The following OSBPL9 variants were observed in gnomAD, a reference collection of about 807,000 sequenced individuals.
OSBPL9 encodes oxysterol-binding protein-related protein 9.
OSBPL9 carries 40 observed loss-of-function variants against 106.6 expected under a neutral mutation model. That is an observed-to-expected ratio of 0.38 (90% CI 0.29 to 0.49). The LOEUF (loss-of-function observed/expected upper bound fraction) is 0.49. Ranked by LOEUF, OSBPL9 falls within the 20% of genes least tolerant of loss-of-function variation. OSBPL9 has a pLI of 0.97. For missense variants in OSBPL9, 609 were observed against 887.2 expected (o/e 0.69, Z 3.98); for synonymous variants, 269 against 295.4 (o/e 0.91, Z 0.92).
chr1:51,618,299 G>C (rs186709519), intron 1 of OSBPL9, among the ~76,000 whole-genome samples: 1 of 152,238 alleles, frequency 6.6e-6, no homozygotes, highest in Non-Finnish European at 1.5e-5. Flanking sequence ...GATTACAGAC[G>C]TGAGCCACCG....
At chr1:51,733,784 CA>C (rs978996488) in intron 4 of OSBPL9, among the ~76,000 whole-genome samples, 25 of 144,762 alleles carry the variant, frequency 1.7e-4, no homozygotes, top group Non-Finnish European at 9.1e-5. Flanking sequence ...CAAAAACAAA[CA>C]AAAAAAAAAG....
At chr1:51,681,637 A>C (rs1652581715) in intron 3 of OSBPL9, among the ~76,000 whole-genome samples, 1 of 152,176 alleles carries the variant, frequency 6.6e-6, no homozygotes. Flanking sequence ...AAAACTAAAA[A>C]TTGAACTGCC....
At chr1:51,787,596 G>T in intron 23 of OSBPL9, 108 bp downstream of exon 23, 1 of 1,600,430 alleles carries the variant, frequency 6.2e-7, no homozygotes, top group East Asian at 2.2e-5. Flanking sequence ...ATGATCGCTG[G>T]TCCCTACTTG....
intron 4 of OSBPL9, among the ~76,000 whole-genome samples, chr1:51,733,668 G>C (rs953577742): frequency 6.6e-6 from 1 of 152,054 alleles, no homozygotes; most frequent in African/African-American, 2.4e-5. Context: ...CCAGCCACTT[G>C]GGGGGCTGAG....
rs151259590 is a variant in OSBPL9 at position 51,672,118 on chromosome 1, G to GT, written c.241+2610dup. Among the ~76,000 whole-genome samples the GT allele has an allele frequency of 6.6e-5, 10 of 152,244 alleles. No homozygotes were observed. In the East Asian group the frequency reaches 1.9e-3, roughly 29 times the overall value. ...GACTGAGATAAAAGGCCATTAGAAG[G>GT]TTTTGAGCAGAGGAGTGACATGGTG... On this transcript the variant is annotated intron_variant, in intron 3 of 23. Coordinates refer to ENST00000428468, the MANE Select transcript of OSBPL9 (RefSeq NM_024586.6).
At position 51,783,912 on chromosome 1, in the gene OSBPL9, C is replaced by G; in HGVS notation, c.1514-3C>G. 1.9e-6 allele frequency: 3 copies of G among 1,601,800 alleles called. No individual in the cohort carries two copies. The South Asian group carries it at 3.3e-5, about 18-fold the overall frequency. On this transcript the variant is annotated splice_polypyrimidine_tract_variant and splice_region_variant and intron_variant, in intron 17 of 23. Coordinates refer to ENST00000428468, the MANE Select transcript of OSBPL9 (RefSeq NM_024586.6). ...AATCTACTAATTGAAAATTTCTATT[C>G]AGTTTCAGCCTTTTATGCTGAGTGT...
intron 1 of OSBPL9, chr1:51,582,789 T>TA (rs1269763227): frequency 4.6e-5 from 7 of 151,782 alleles, no homozygotes; most frequent in African/African-American, 1.7e-4. Context: ...TTAAAGAAAA[T>TA]AACATATCAA....
At chr1:51,627,471 T>A (rs1421527966) in intron 1 of OSBPL9, among the ~76,000 whole-genome samples, 1 of 152,226 alleles carries the variant, frequency 6.6e-6, no homozygotes, top group East Asian at 1.9e-4. Context: ...GTATTTAGAC[T>A]GTCAGTTCTA....
chr1:51,724,076 A>G (rs1339170628), intron 4 of OSBPL9, among the ~76,000 whole-genome samples: 1 of 152,006 alleles, frequency 6.6e-6, no homozygotes, highest in Admixed American at 6.6e-5. Flanking sequence ...CCTCCCAAGT[A>G]GCTGGGATTA....
At chr1:51,754,234 CTG>C (rs1375659908) in intron 8 of OSBPL9, among the ~76,000 whole-genome samples, 1 of 152,236 alleles carries the variant, frequency 6.6e-6, no homozygotes, top group East Asian at 1.9e-4. Flanking sequence ...AGGGGGTTGA[CTG>C]TGATTTACTA....
intron 1 of OSBPL9, among the ~76,000 whole-genome samples, chr1:51,630,807 C>T (rs1027320627): frequency 6.6e-6 from 1 of 152,218 alleles, no homozygotes; most frequent in East Asian, 1.9e-4. Context: ...TTGACTCCTT[C>T]GTATTGACAC....
intron 11 of OSBPL9, among the ~76,000 whole-genome samples, chr1:51,764,571 T>G (rs1672177357): frequency 6.6e-6 from 1 of 151,516 alleles, no homozygotes; most frequent in Non-Finnish European, 1.5e-5. Context: ...AATCCGTAAG[T>G]GACTCTGGAT....
intron 3 of OSBPL9, among the ~76,000 whole-genome samples, chr1:51,713,390 T>A (rs1571267304): frequency 6.6e-6 from 1 of 152,060 alleles, no homozygotes; most frequent in East Asian, 1.9e-4. Context: ...CCTCAGGTGA[T>A]CCGCCCGCCT....
chr1:51,787,424 T>C lies in OSBPL9; in HGVS notation c.2072T>C (p.Leu691Pro). 6.2e-7 allele frequency: 1 copy of C among 1,614,026 alleles called. No individual in the cohort carries two copies. Among genetic ancestry groups the C allele is most frequent in the Non-Finnish European group, 8.5e-7 (1 of 1,179,934 alleles). Residue 691 changes from leucine (L) to proline (P), a missense_variant, in exon 23 of 24, where the codon CTT becomes CCT. Around this residue, in one of 5 missense-constraint regions of OSBPL9, gnomAD observed 132 missense variants for 158.1 expected, o/e 0.83. Transcript: ENST00000428468. The part of the protein sequence containing the change: ...IDAATEAKHR[L>P]EERQRAEARE... The stretch of plus-strand genomic sequence containing the variant: ...GCAGCAACTGAAGCAAAGCACAGGC[T>C]TGAAGAAAGACAAAGAGCAGAAGCC...
At chr1:51,648,213 G>A (rs1646290772) in intron 1 of OSBPL9, among the ~76,000 whole-genome samples, 1 of 152,174 alleles carries the variant, frequency 6.6e-6, no homozygotes, top group Admixed American at 6.6e-5. Context: ...TTCATTACCA[G>A]AAGCTACTAG....
At chr1:51,785,616 G>A (rs1677419724) in intron 20 of OSBPL9, 192 bp from the exon 21 acceptor site, 4 of 557,648 alleles carry the variant, frequency 7.2e-6, no homozygotes, top group African/African-American at 5.9e-5. Context: ...GGGATCTCAA[G>A]TTCATAAGCG....
intron 1 of OSBPL9, among the ~76,000 whole-genome samples, chr1:51,589,428 A>T (rs1645262356): frequency 6.6e-6 from 1 of 152,142 alleles, no homozygotes. Flanking sequence ...ACATTAATTG[A>T]GTGCATTTTG....
At chr1:51,686,696 G>C (rs1002887071) in intron 3 of OSBPL9, among the ~76,000 whole-genome samples, 1 of 152,196 alleles carries the variant, frequency 6.6e-6, no homozygotes, top group African/African-American at 2.4e-5. Flanking sequence ...TCTGTTACCA[G>C]GTGTGTGGGA....
intron 10 of OSBPL9, among the ~76,000 whole-genome samples, chr1:51,761,058 A>G (rs774023591): frequency 6.6e-6 from 1 of 152,224 alleles, no homozygotes; most frequent in Middle Eastern, 3.2e-3. Context: ...ACAGGATTCT[A>G]TGACTCAGAA....
Sources: allele counts gnomAD v4.1 joint callset (sites outside exome capture counted in the v4.1 genomes callset), GRCh38; gene constraint gnomAD v4.1.1; regional missense constraint gnomAD v4.1.1; transcripts MANE v1.5; gene names NCBI Gene and HGNC (gene_info 2026-07-23, HGNC 2026-07-21).